The following MED12L variants were observed in gnomAD, a reference collection of about 807,000 sequenced individuals.
MED12L encodes the protein mediator of RNA polymerase II transcription subunit 12-like protein.
Under a neutral mutation model 281.3 loss-of-function variants are expected in MED12L, and 60 were observed. The observed-to-expected ratio is 0.21, with a 90% confidence interval of 0.17 to 0.26. MED12L has a LOEUF of 0.26. Ranked by LOEUF, MED12L falls within the 10% of genes least tolerant of loss-of-function variation. MED12L has a pLI of 1.00. For synonymous variants in MED12L, 974 were observed against 987.2 expected, an observed-to-expected ratio of 0.99 and a Z score of 0.25; for missense variants, 2,146 against 2,680.9, an observed-to-expected ratio of 0.80 and a Z score of 4.41.
At position 151,436,476 on chromosome 3, in the gene MED12L, C is replaced by T; in HGVS notation, c.*3672C>T. On this transcript the variant is annotated 3_prime_UTR_variant, in exon 45 of 45. Coordinates refer to ENST00000687756, the MANE Select transcript of MED12L (RefSeq NM_001393769.1). ...TTATTTGTTGGCAAAATAAAAGTGC[C>T]TTAAGTTAAAAGTTTGTTTTGAGAT... 4.7e-6 allele frequency: 2 copies of T among 423,526 alleles called. No individual in the cohort carries two copies. The highest frequency in any genetic ancestry group is 4.9e-5 in the South Asian group (1 of 20,236). The allele number at this position is 423,526 out of a possible 1,614,324, so 26.2% of individuals were successfully genotyped here.
At position 151,313,941 on chromosome 3, in the gene MED12L, AT is replaced by A. The variant is rs1747893973; in HGVS notation, c.2251-36117del. Among the ~76,000 whole-genome samples the A allele has an allele frequency of 3.3e-5, 5 of 152,064 alleles. No individual in the cohort carries two copies. The South Asian group carries it at 1.0e-3, about 32-fold the overall frequency. On this transcript the variant is annotated intron_variant, in intron 16 of 44. Coordinates refer to ENST00000687756, the MANE Select transcript of MED12L (RefSeq NM_001393769.1). ...CCGTCTCAAAAAAAAAAAAAATTGCATGATAAAATATGCAGTAATCTTGTCA... is the reference window on the plus strand; with the variant it reads ...CCGTCTCAAAAAAAAAAAAAATTGCAGATAAAATATGCAGTAATCTTGTCA...
At chr3:151,285,990 C>T (rs913838934) in intron 16 of MED12L, among the ~76,000 whole-genome samples, 1 of 152,184 alleles carries the variant, frequency 6.6e-6, no homozygotes, top group African/African-American at 2.4e-5. Context: ...TATTTTGTTA[C>T]AGCAGCAGGA....
intron 2 of MED12L, among the ~76,000 whole-genome samples, chr3:151,107,572 T>C (rs1487075116): frequency 6.6e-6 from 1 of 152,060 alleles, no homozygotes; most frequent in Non-Finnish European, 1.5e-5. Context: ...TAATAATGTA[T>C]TTCAGGGGGT....
chr3:151,281,405 G>A (rs2149615443), intron 16 of MED12L, among the ~76,000 whole-genome samples: 1 of 151,926 alleles, frequency 6.6e-6, no homozygotes, highest in African/African-American at 2.4e-5. Flanking sequence ...GTGAGACTCT[G>A]TCTCAAAATA....
At chr3:151,235,848 CT>C (rs1268430350) in intron 16 of MED12L, among the ~76,000 whole-genome samples, 2 of 152,128 alleles carry the variant, frequency 1.3e-5, no homozygotes, top group African/African-American at 2.4e-5. Flanking sequence ...TCAGCAAGGC[CT>C]TTCCTGTTCA....
intron 32 of MED12L, 61 bp from the exon 33 acceptor site, chr3:151,382,595 A>G: frequency 8.1e-7 from 1 of 1,241,956 alleles, no homozygotes; most frequent in South Asian, 1.4e-5. Flanking sequence ...TATAAAGCTC[A>G]ATTTATCTTT....
intron 16 of MED12L, among the ~76,000 whole-genome samples, chr3:151,344,041 A>G (rs115786501): frequency 2.6e-3 from 391 of 152,274 alleles, no homozygotes; most frequent in African/African-American, 8.8e-3. Context: ...AATTTAGGTT[A>G]GATACCAACA....
At chr3:151,159,613 A>T (rs957996808) in intron 7 of MED12L, among the ~76,000 whole-genome samples, 1 of 152,246 alleles carries the variant, frequency 6.6e-6, no homozygotes, top group Non-Finnish European at 1.5e-5. Flanking sequence ...TAAATAAAAT[A>T]CATTATTCTA....
intron 43 of MED12L, among the ~76,000 whole-genome samples, chr3:151,426,801 T>C (rs1718926916): frequency 6.7e-6 from 1 of 148,360 alleles, no homozygotes; most frequent in Admixed American, 6.9e-5. Context: ...TAAAGTTATA[T>C]GAGAATGACA....
At chr3:151,233,782 A>G (rs1732194660) in intron 16 of MED12L, among the ~76,000 whole-genome samples, 1 of 152,324 alleles carries the variant, frequency 6.6e-6, no homozygotes, top group South Asian at 2.1e-4. Context: ...CGAGAGTCCC[A>G]CAGGCATTCT....
intron 16 of MED12L, among the ~76,000 whole-genome samples, chr3:151,348,655 G>A (rs1049614090): frequency 1.9e-4 from 29 of 152,000 alleles, no homozygotes; most frequent in Admixed American, 9.8e-4. Context: ...GATTGGCAGG[G>A]CATATAAATG....
rs768702804 is a variant in MED12L at position 151,165,543 on chromosome 3, A to G, written c.1357+24A>G. 5.1e-6 allele frequency: 8 copies of G among 1,572,050 alleles called. No individual in the cohort carries two copies. In the Admixed American group the frequency reaches 1.2e-4, roughly 23 times the overall value. ...AGGTACAGAATGCCACAGAGGAACG[A>G]GTGCTTTTGAATGTTGGACTTTATG... On this transcript the variant is annotated intron_variant, in intron 10 of 44. Coordinates refer to ENST00000687756, the MANE Select transcript of MED12L (RefSeq NM_001393769.1).
chr3:151,113,933 A>G (rs2148722578), intron 2 of MED12L, among the ~76,000 whole-genome samples: 1 of 152,352 alleles, frequency 6.6e-6, no homozygotes, highest in East Asian at 1.9e-4. Flanking sequence ...CTTCTTGATT[A>G]GGCCAGAATG....
chr3:151,287,455 G>A (rs1179956628), intron 16 of MED12L, among the ~76,000 whole-genome samples: 1 of 152,166 alleles, frequency 6.6e-6, no homozygotes, highest in East Asian at 1.9e-4. Flanking sequence ...ATGAAGAAAA[G>A]AGGGCACTCA....
At chr3:151,118,676 C>A (rs953281252) in intron 3 of MED12L, among the ~76,000 whole-genome samples, 1 of 142,046 alleles carries the variant, frequency 7.0e-6, no homozygotes, top group African/African-American at 2.6e-5. Flanking sequence ...GAGACGTATT[C>A]CAGGTTTATA....
intron 2 of MED12L, among the ~76,000 whole-genome samples, chr3:151,095,089 A>G (rs1273432535): frequency 6.6e-6 from 1 of 152,248 alleles, no homozygotes; most frequent in Non-Finnish European, 1.5e-5. Flanking sequence ...AGCTGCAGAG[A>G]ATAATATCTG....
chr3:151,183,463 G>C (rs1722934825), intron 11 of MED12L, among the ~76,000 whole-genome samples: 1 of 152,234 alleles, frequency 6.6e-6, no homozygotes, highest in South Asian at 2.1e-4. Context: ...CGTGTGTGCT[G>C]TGTGTACACC....
chr3:151,097,587 C>A (rs1406642967), intron 2 of MED12L, among the ~76,000 whole-genome samples: 1 of 152,152 alleles, frequency 6.6e-6, no homozygotes, highest in African/African-American at 2.4e-5. Flanking sequence ...GTCCCAGTGC[C>A]CCAGGCCTTC....
chr3:151,366,530 C>G (rs3975403), intron 23 of MED12L, among the ~76,000 whole-genome samples: 116,235 of 152,196 alleles, frequency 0.76, 45,062 homozygotes, highest in African/African-American at 0.89. Flanking sequence ...ATATCACTGA[C>G]TTCCTTGGAT....
Sources: allele counts gnomAD v4.1 joint callset (sites outside exome capture counted in the v4.1 genomes callset), GRCh38; gene constraint gnomAD v4.1.1; transcripts MANE v1.5; gene names NCBI Gene and HGNC (gene_info 2026-07-23, HGNC 2026-07-21).